Variants in HIBADH observed in about 807,000 individuals in gnomAD.
HIBADH encodes the protein 3-hydroxyisobutyrate dehydrogenase.
In HIBADH, 25 loss-of-function variants were observed where a neutral mutation model predicts 36.1. That is an observed-to-expected ratio of 0.69 (90% CI 0.50 to 0.97). The LOEUF (loss-of-function observed/expected upper bound fraction) is 0.97. HIBADH is among the 50% of genes least tolerant of loss of function. The pLI is 0.00. For missense variants in HIBADH, 421 were observed against 418.0 expected (o/e 1.01, Z -0.06); for synonymous variants, 160 against 149.5 (o/e 1.07, Z -0.51).
At chr7:27,594,135 G>T in intron 4 of HIBADH, among the ~76,000 whole-genome samples, 1 of 62,326 alleles carries the variant, frequency 1.6e-5, no homozygotes, top group Non-Finnish European at 2.8e-5. Context: ...GTTACATAAA[G>T]ATGTTTTTGT....
intron 4 of HIBADH, among the ~76,000 whole-genome samples, chr7:27,599,885 A>G (rs1462624246): frequency 6.6e-6 from 1 of 152,046 alleles, no homozygotes; most frequent in Non-Finnish European, 1.5e-5. Context: ...ATAATCACAC[A>G]AAAAATTCAA....
At chr7:27,626,040 T>G (rs923689251) in intron 4 of HIBADH, among the ~76,000 whole-genome samples, 3 of 137,950 alleles carry the variant, frequency 2.2e-5, no homozygotes, top group African/African-American at 8.3e-5. Flanking sequence ...GAGGCAGAGG[T>G]TGCAGTGAGC....
At chr7:27,603,508 T>C (rs566736652) in intron 4 of HIBADH, among the ~76,000 whole-genome samples, 17 of 152,230 alleles carry the variant, frequency 1.1e-4, no homozygotes, top group African/African-American at 3.6e-4. Context: ...ATACAGTAAG[T>C]CATTGTTTCC....
chr7:27,566,747 T>C (rs1784553832), intron 4 of HIBADH, among the ~76,000 whole-genome samples: 1 of 152,194 alleles, frequency 6.6e-6, no homozygotes, highest in Non-Finnish European at 1.5e-5. Context: ...ATATTTTTGT[T>C]CAGTTCAAAA....
intron 4 of HIBADH, among the ~76,000 whole-genome samples, chr7:27,629,086 CA>C (rs912980164): frequency 2.6e-5 from 4 of 151,210 alleles, no homozygotes; most frequent in African/African-American, 7.3e-5. Context: ...TCAATAGTTC[CA>C]AAAAAAATTT....
chr7:27,596,968 A>G, intron 4 of HIBADH, among the ~76,000 whole-genome samples: 1 of 152,316 alleles, frequency 6.6e-6, no homozygotes, highest in East Asian at 1.9e-4. Flanking sequence ...TTGTTTTTTA[A>G]AAAAGTGTGT....
chr7:27,527,918 G>GTTTTT (rs746260280), intron 7 of HIBADH, among the ~76,000 whole-genome samples: 1 of 61,704 alleles, frequency 1.6e-5, no homozygotes, highest in African/African-American at 5.6e-5. Context: ...CACACCCAGC[G>GTTTTT]TTTTTTTTTT....
chr7:27,621,159 A>T (rs1176855972), intron 4 of HIBADH, among the ~76,000 whole-genome samples: 2 of 152,202 alleles, frequency 1.3e-5, no homozygotes, highest in African/African-American at 4.8e-5. Context: ...ATGAAAAAGG[A>T]ATCAATCCAG....
intron 4 of HIBADH, among the ~76,000 whole-genome samples, chr7:27,605,391 A>G (rs1244224147): frequency 6.6e-6 from 1 of 150,988 alleles, no homozygotes; most frequent in African/African-American, 2.4e-5. Context: ...GAAAAGGACC[A>G]ACTTGCACCT....
intron 4 of HIBADH, among the ~76,000 whole-genome samples, chr7:27,615,729 C>T (rs577807422): frequency 3.9e-5 from 6 of 152,224 alleles, no homozygotes; most frequent in African/African-American, 9.6e-5. Context: ...AAAACAACTC[C>T]GCTACTAGTT....
At chr7:27,544,744 GC>G (rs1784210223) in intron 4 of HIBADH, among the ~76,000 whole-genome samples, 2 of 152,070 alleles carry the variant, frequency 1.3e-5, no homozygotes, top group Admixed American at 1.3e-4. Context: ...CAATAGTTTT[GC>G]TTTGTATTTA....
chr7:27,626,955 C>G (rs1459401704), intron 4 of HIBADH, among the ~76,000 whole-genome samples: 1 of 152,056 alleles, frequency 6.6e-6, no homozygotes, highest in African/African-American at 2.4e-5. Context: ...AACTGTGGGC[C>G]CATTCTGGGT....
chr7:27,599,385 A>G (rs1351628851), intron 4 of HIBADH, among the ~76,000 whole-genome samples: 1 of 152,180 alleles, frequency 6.6e-6, no homozygotes, highest in Non-Finnish European at 1.5e-5. Flanking sequence ...ATTTTTAATT[A>G]GTTTTAAAAA....
chr7:27,585,331 C>T (rs537086447), intron 4 of HIBADH, among the ~76,000 whole-genome samples: 1 of 152,066 alleles, frequency 6.6e-6, no homozygotes, highest in Non-Finnish European at 1.5e-5. Flanking sequence ...TACTACCAAA[C>T]TGTTCTCTGA....
chr7:27,543,299 G>C (rs1435935616), intron 4 of HIBADH, among the ~76,000 whole-genome samples, 199 bp from the exon 5 acceptor site: 1 of 152,044 alleles, frequency 6.6e-6, no homozygotes, highest in African/African-American at 2.4e-5. Flanking sequence ...CAAACCAAGA[G>C]AGACATACAG....
chr7:27,593,348 T>C (rs1784975474), intron 4 of HIBADH, among the ~76,000 whole-genome samples: 1 of 152,154 alleles, frequency 6.6e-6, no homozygotes, highest in African/African-American at 2.4e-5. Context: ...TAAGCAATAA[T>C]CAACCTGTAT....
chr7:27,543,630 C>T (rs1784191391), intron 4 of HIBADH, among the ~76,000 whole-genome samples: 1 of 152,130 alleles, frequency 6.6e-6, no homozygotes, highest in Non-Finnish European at 1.5e-5. Context: ...GTAGGCATTT[C>T]AGATGGTAGA....
chr7:27,629,423 G>T lies in HIBADH; in HGVS notation c.432C>A (p.Ala144=). The T allele has an allele frequency of 6.2e-7, 1 of 1,611,718 alleles. No homozygotes were observed. Among genetic ancestry groups the T allele is most frequent in the Non-Finnish European group, 8.5e-7 (1 of 1,178,740 alleles). ...CTGCTCCCATTTTCTCAACTTCTTT[G>T]GCCAATTCTTTTGAAACTGCAGGAT... ...TIDPAVSKEL[A]KEVEKMGAVF... The change falls in exon 4 of 8, where the codon GCC becomes GCA. Residue 144 remains alanine (A), a synonymous_variant. Transcript: ENST00000265395.
chr7:27,601,444 A>G (rs6462036), intron 4 of HIBADH, among the ~76,000 whole-genome samples: 115,255 of 151,898 alleles, frequency 0.76, 44,176 homozygotes, highest in East Asian at 0.94. Flanking sequence ...TACACTGTTA[A>G]TCATGTATTA....
Sources: allele counts gnomAD v4.1 joint callset (sites outside exome capture counted in the v4.1 genomes callset), GRCh38; gene constraint gnomAD v4.1.1; transcripts MANE v1.5; gene names NCBI Gene and HGNC (gene_info 2026-07-23, HGNC 2026-07-21).